The following BACH2 variants were observed in gnomAD, a reference collection of about 807,000 sequenced individuals.
BACH2 encodes the protein transcription regulator protein BACH2.
BACH2 carries 5 observed loss-of-function variants against 61.8 expected under a neutral mutation model. That is an observed-to-expected ratio of 0.08 (90% CI 0.04 to 0.17). The LOEUF (loss-of-function observed/expected upper bound fraction) is 0.17. BACH2 is among the 10% of genes least tolerant of loss of function. The pLI, the probability that BACH2 is intolerant of heterozygous loss-of-function variation, is 1.00. For synonymous variants in BACH2, 446 were observed against 440.1 expected, an observed-to-expected ratio of 1.01 and a Z score of -0.17; for missense variants, 824 against 1,091.1, an observed-to-expected ratio of 0.76 and a Z score of 3.45.
chr6:90,101,588 GA>G (rs1293801387), intron 4 of BACH2, among the ~76,000 whole-genome samples: 3 of 152,000 alleles, frequency 2.0e-5, no homozygotes, highest in Non-Finnish European at 2.9e-5. Flanking sequence ...AGGATGTTTT[GA>G]AAAAAGGAAG....
At chr6:90,000,342 ACTT>A (rs747578356) in intron 6 of BACH2, among the ~76,000 whole-genome samples, 1 of 152,072 alleles carries the variant, frequency 6.6e-6, no homozygotes, top group African/African-American at 2.4e-5. Flanking sequence ...GGACTTGAAA[ACTT>A]CTCATTTGCC....
chr6:90,002,450 G>A (rs905114086), intron 6 of BACH2, among the ~76,000 whole-genome samples: 2 of 152,160 alleles, frequency 1.3e-5, no homozygotes, highest in Non-Finnish European at 2.9e-5. Context: ...TTACTTAGAT[G>A]TCAACAGGCA....
At chr6:90,229,459 C>CA (rs58516003) in intron 3 of BACH2, among the ~76,000 whole-genome samples, 26 of 144,832 alleles carry the variant, frequency 1.8e-4, no homozygotes, top group East Asian at 4.1e-4. Flanking sequence ...GACTTTGTCT[C>CA]AAAAAAAAAA....
chr6:89,933,053 C>T (rs1364368955), intron 8 of BACH2, among the ~76,000 whole-genome samples, 163 bp from the exon 9 acceptor site: 1 of 152,130 alleles, frequency 6.6e-6, no homozygotes, highest in East Asian at 1.9e-4. Flanking sequence ...ATTCAGGGGG[C>T]CCAGACACAG....
chr6:90,213,088 G>C (rs748352403), intron 3 of BACH2, among the ~76,000 whole-genome samples: 3 of 152,186 alleles, frequency 2.0e-5, no homozygotes, highest in Non-Finnish European at 2.9e-5. Flanking sequence ...CACTTCCCTT[G>C]CCTAAGTGAC....
intron 3 of BACH2, among the ~76,000 whole-genome samples, chr6:90,239,271 T>C (rs553603509): frequency 6.6e-6 from 1 of 152,340 alleles, no homozygotes; most frequent in South Asian, 2.1e-4. Context: ...TTCTGTCAGC[T>C]GGGAATGTCC....
At chr6:90,248,771 C>T (rs1770714588) in intron 3 of BACH2, among the ~76,000 whole-genome samples, 1 of 152,122 alleles carries the variant, frequency 6.6e-6, no homozygotes, top group South Asian at 2.1e-4. Flanking sequence ...CAGCAGACTC[C>T]CACCAACTCC....
intron 8 of BACH2, among the ~76,000 whole-genome samples, chr6:89,933,658 T>C (rs1772824345): frequency 6.6e-6 from 1 of 152,128 alleles, no homozygotes; most frequent in African/African-American, 2.4e-5. Context: ...GTATAGTGTG[T>C]TCAGTTTTGC....
At chr6:90,050,488 A>G (rs1240563054) in intron 5 of BACH2, among the ~76,000 whole-genome samples, 1 of 152,220 alleles carries the variant, frequency 6.6e-6, no homozygotes, top group Non-Finnish European at 1.5e-5. Context: ...CAAAAATGAC[A>G]TATCACAAGA....
At chr6:90,183,418 G>A (rs192048852) in intron 4 of BACH2, among the ~76,000 whole-genome samples, 1 of 152,314 alleles carries the variant, frequency 6.6e-6, no homozygotes, top group East Asian at 1.9e-4. Flanking sequence ...TGAGAAGTGT[G>A]ATCTGTGAAA....
intron 5 of BACH2, among the ~76,000 whole-genome samples, chr6:90,026,880 AGAAC>A (rs1316780993): frequency 6.6e-6 from 1 of 152,208 alleles, no homozygotes; most frequent in Non-Finnish European, 1.5e-5. Flanking sequence ...GATGCAGGCT[AGAAC>A]GAATGAAGTT....
chr6:90,063,018 T>C (rs934639963), intron 5 of BACH2: 4 of 676,748 alleles, frequency 5.9e-6, no homozygotes, highest in South Asian at 6.6e-5. Flanking sequence ...AAAGAGTTTT[T>C]AGTGTACCTA....
chr6:90,258,164 C>T (rs952381169), intron 2 of BACH2, among the ~76,000 whole-genome samples: 1 of 152,130 alleles, frequency 6.6e-6, no homozygotes, highest in Non-Finnish European at 1.5e-5. Flanking sequence ...GAGCTATTCC[C>T]CTATGTTCCT....
At chr6:90,105,148 GTGCAGTTA>G (rs1393517380) in intron 4 of BACH2, among the ~76,000 whole-genome samples, 6 of 152,202 alleles carry the variant, frequency 3.9e-5, no homozygotes, top group Admixed American at 1.3e-4. Flanking sequence ...GATTGCAGAT[GTGCAGTTA>G]TGCATTACAC....
At chr6:89,978,633 TAAAAAAAAAAAA>T (rs753724278) in intron 6 of BACH2, among the ~76,000 whole-genome samples, 2 of 86,036 alleles carry the variant, frequency 2.3e-5, no homozygotes, top group Non-Finnish European at 4.5e-5. Flanking sequence ...GTGTTGGCTT[TAAAAAAAAAAAA>T]AAAAAAAAAA....
chr6:89,954,706 C>T (rs9451301), intron 6 of BACH2, among the ~76,000 whole-genome samples: 2,889 of 151,872 alleles, frequency 0.019, 84 homozygotes, highest in African/African-American at 0.066. Flanking sequence ...CGCTCAGGGA[C>T]GAGCTGATGC....
At chr6:90,189,880 C>T (rs1355506429) in intron 4 of BACH2, among the ~76,000 whole-genome samples, 3 of 152,130 alleles carry the variant, frequency 2.0e-5, no homozygotes, top group African/African-American at 7.2e-5. Flanking sequence ...GTGAAAGAAC[C>T]AAAGATATAT....
At chr6:89,981,470 G>GAGTTA (rs1775955156) in intron 6 of BACH2, among the ~76,000 whole-genome samples, 2 of 152,062 alleles carry the variant, frequency 1.3e-5, no homozygotes, top group African/African-American at 4.8e-5. Flanking sequence ...GTTAAAGAGA[G>GAGTTA]AACACATTCT....
At chr6:90,097,936 T>C (rs1247794000) in intron 4 of BACH2, among the ~76,000 whole-genome samples, 1 of 152,230 alleles carries the variant, frequency 6.6e-6, no homozygotes, top group Non-Finnish European at 1.5e-5. Context: ...GACATATTCA[T>C]TATTTTCCTA....
Sources: allele counts gnomAD v4.1 joint callset (sites outside exome capture counted in the v4.1 genomes callset), GRCh38; gene constraint gnomAD v4.1.1; transcripts MANE v1.5; gene names NCBI Gene and HGNC (gene_info 2026-07-23, HGNC 2026-07-21).